ZAP70: variants seen among roughly 807,000 people sequenced by gnomAD.
ZAP70 encodes tyrosine-protein kinase ZAP-70.
In ZAP70, 27 loss-of-function variants were observed where a neutral mutation model predicts 65.8. The ratio of observed to expected loss-of-function variants is 0.41; its 90% confidence interval spans 0.30 to 0.57. ZAP70 has a LOEUF of 0.57. Among genes scored for constraint, ZAP70 ranks in the 20% least tolerant of loss-of-function variants. The probability of loss-of-function intolerance (pLI) is 0.28; values close to 1 mark genes in which losing one functional copy is unlikely to be tolerated. For synonymous variants in ZAP70, 363 were observed against 360.8 expected, an observed-to-expected ratio of 1.01 and a Z score of -0.07; for missense variants, 696 against 870.5, an observed-to-expected ratio of 0.80 and a Z score of 2.52.
rs146721343 is a variant in ZAP70 at position 97,735,343 on chromosome 2, G to C, written c.1176G>C (p.Gln392His). 2 of 1,614,178 alleles carry C rather than the reference G, an allele frequency of 1.2e-6. No individual in the cohort carries two copies. The highest frequency in any genetic ancestry group is 1.7e-6 in the Non-Finnish European group (2 of 1,179,990). ...EMMREAQIMH[Q>H]LDNPYIVRLI... is the part of the protein sequence containing the mutation. ...TGCGCGAGGCGCAGATCATGCACCA[G>C]CTGGACAACCCCTACATCGTGCGGC... The change falls in exon 10 of 14, where the codon CAG (glutamine) becomes CAC (histidine). Residue 392 changes from glutamine (Q) to histidine (H), a missense_variant. Physicochemically the swap from Gln to His is conservative, Grantham distance 24. Coordinates refer to ENST00000264972, the MANE Select transcript of ZAP70 (RefSeq NM_001079.4).
chr2:97,745,373 A>G, the ZAP70 span, among the ~76,000 whole-genome samples: 1 of 152,246 alleles, frequency 6.6e-6, no homozygotes, highest in African/African-American at 2.4e-5. Flanking sequence ...AAAGGACATC[A>G]TCAAAGGGTA....
the ZAP70 span, among the ~76,000 whole-genome samples, chr2:97,749,503 C>T: frequency 2.0e-4 from 31 of 152,138 alleles, no homozygotes; most frequent in African/African-American, 7.5e-4. Flanking sequence ...CAATGACTGT[C>T]AGGGGTCAGG....
At chr2:97,749,524 T>C in the ZAP70 span, among the ~76,000 whole-genome samples, 5 of 151,964 alleles carry the variant, frequency 3.3e-5, no homozygotes, top group Admixed American at 2.6e-4. Context: ...TCTGTGAGAG[T>C]TGCTAGGAGC....
chr2:97,723,394 A>G (rs544124607), intron 2 of ZAP70, among the ~76,000 whole-genome samples: 2 of 152,372 alleles, frequency 1.3e-5, no homozygotes, highest in East Asian at 3.9e-4. Flanking sequence ...GCCTCTGCGC[A>G]TGCAGTCCTC....
At chr2:97,746,879 A>T in the ZAP70 span, among the ~76,000 whole-genome samples, 4 of 152,244 alleles carry the variant, frequency 2.6e-5, no homozygotes, top group Non-Finnish European at 4.4e-5. Context: ...TAAATCAACA[A>T]TAAAAAGACA....
chr2:97,723,404 C>G (rs1056727095), intron 2 of ZAP70, among the ~76,000 whole-genome samples: 3 of 152,254 alleles, frequency 2.0e-5, no homozygotes, highest in Non-Finnish European at 4.4e-5. Flanking sequence ...ATGCAGTCCT[C>G]TCTGCCTGAT....
At chr2:97,754,825 A>G in the ZAP70 span, among the ~76,000 whole-genome samples, 1 of 152,216 alleles carries the variant, frequency 6.6e-6, no homozygotes, top group Non-Finnish European at 1.5e-5. Flanking sequence ...CTGATCGTGC[A>G]AGTGCACGTA....
rs774434467 is a variant in ZAP70 at position 97,737,571 on chromosome 2, C to T, written c.1388C>T (p.Ala463Val). 3 of 1,614,112 alleles carry T rather than the reference C, an allele frequency of 1.9e-6. No individual in the cohort carries two copies. Among genetic ancestry groups the T allele is most frequent in the Non-Finnish European group, 1.7e-6 (2 of 1,179,986 alleles). Residue 463 changes from alanine to valine, a missense_variant, in exon 11 of 14, where the codon GCG (alanine) becomes GTG (valine). Ala to Val is a moderately conservative substitution (Grantham distance 64). Around this residue, in one of 3 missense-constraint regions of ZAP70, gnomAD observed 67 missense variants for 151.9 expected, o/e 0.44. Coordinates refer to ENST00000264972, the MANE Select transcript of ZAP70 (RefSeq NM_001079.4). This position sits in a 1 kb window ranked among gnomAD's most constrained non-coding sequence, Gnocchi z 5.0. Reference protein sequence around the residue: ...EEKNFVHRDLAARNVLLVNRH... With the variant: ...EEKNFVHRDLVARNVLLVNRH... ...AAGAACTTTGTGCACCGTGACCTGG[C>T]GGCCCGCAACGTCCTGCTGGTTAAC... is the stretch of plus-strand genomic sequence containing the variant.
rs1317735247 is a variant in ZAP70, at chr2:97,725,073, C to T, written c.403-19C>T. 1 of 1,613,528 alleles carries T rather than the reference C, an allele frequency of 6.2e-7. No individual in the cohort carries two copies. Among genetic ancestry groups the T allele is most frequent in the Non-Finnish European group, 8.5e-7 (1 of 1,179,966 alleles). On this transcript the variant is annotated intron_variant, in intron 3 of 13. Transcript: ENST00000264972. The stretch of plus-strand genomic sequence containing the variant: ...GCACTTGGCCACACCTACAGACCTC[C>T]TCGCCTCTCCTTTTCTAGGGCGAGG...
At position 97,737,551 on chromosome 2, in the gene ZAP70, C is replaced by T. The variant is rs1402519359; in HGVS notation, c.1368C>T (p.Asn456=). ...SMGMKYLEEK[N]FVHRDLAARN... ...GGATGAAGTACCTGGAGGAGAAGAACTTTGTGCACCGTGACCTGGCGGCCC... is the reference window on the plus strand; with the variant it reads ...GGATGAAGTACCTGGAGGAGAAGAATTTTGTGCACCGTGACCTGGCGGCCC... The change falls in exon 11 of 14, where the codon AAC becomes AAT. Residue 456 remains asparagine, a synonymous_variant. Coordinates refer to ENST00000264972, the MANE Select transcript of ZAP70 (RefSeq NM_001079.4). This position sits in a 1 kb window ranked among gnomAD's most constrained non-coding sequence, Gnocchi z 5.0. 5.6e-6 allele frequency: 9 copies of T among 1,614,022 alleles called. No homozygotes were observed. Among genetic ancestry groups the T allele is most frequent in the African/African-American group, 1.3e-5 (1 of 74,908 alleles).
chr2:97,724,833 C>T (rs1471696367), intron 3 of ZAP70: 1 of 1,518,962 alleles, frequency 6.6e-7, no homozygotes, highest in East Asian at 2.5e-5. Context: ...GTGACACCAC[C>T]ATGCACAACT....
At position 97,737,660 on chromosome 2, in the gene ZAP70, T is replaced by C. The variant is rs1677954998; in HGVS notation, c.1477T>C (p.Tyr493His). Residue 493 changes from tyrosine to histidine, a missense_variant, in exon 11 of 14, where the codon TAC becomes CAC. Coordinates refer to ENST00000264972, the MANE Select transcript of ZAP70 (RefSeq NM_001079.4). The surrounding 1 kb of genome is among the most constrained non-coding windows in gnomAD (Gnocchi z 5.0). ...AGCACTGGGTGCCGACGACAGCTAC[T>C]ACACTGTAAGCCTCTGCCCCTGTGA... ...SKALGADDSY[Y>H]TARSAGKWPL... is the part of the protein sequence containing the mutation. 6.2e-7 allele frequency: 1 copy of C among 1,613,984 alleles called. No homozygotes were observed. Among genetic ancestry groups the C allele is most frequent in the Non-Finnish European group, 8.5e-7 (1 of 1,180,006 alleles).
chr2:97,754,935 A>C, the ZAP70 span, among the ~76,000 whole-genome samples: 1 of 152,232 alleles, frequency 6.6e-6, no homozygotes, highest in Non-Finnish European at 1.5e-5. Context: ...ACAAATCACA[A>C]GTTGTCAAAA....
intron 9 of ZAP70, chr2:97,734,937 C>T (rs1158204711): frequency 2.8e-6 from 2 of 711,158 alleles, no homozygotes; most frequent in South Asian, 3.7e-5. Context: ...AGCTGAAGTT[C>T]CCAACCCAGG....
chr2:97,743,899 C>T (rs1678186977), downstream of ZAP70, among the ~76,000 whole-genome samples: 1 of 152,186 alleles, frequency 6.6e-6, no homozygotes, highest in African/African-American at 2.4e-5. Context: ...TGCATTGGTA[C>T]TAGCCTCCTA....
At chr2:97,754,798 C>T in the ZAP70 span, among the ~76,000 whole-genome samples, 1 of 152,162 alleles carries the variant, frequency 6.6e-6, no homozygotes, top group Non-Finnish European at 1.5e-5. Context: ...AAGAGAATCC[C>T]AAGACTTGAA....
chr2:97,724,280 G>C lies in ZAP70; in HGVS notation c.244G>C (p.Glu82Gln), dbSNP rs1388859022. 1 of 1,602,342 alleles carries C rather than the reference G, an allele frequency of 6.2e-7. No homozygotes were observed. Among genetic ancestry groups the C allele is most frequent in the Admixed American group, 1.7e-5 (1 of 59,648 alleles). Residue 82 changes from glutamate (E) to glutamine (Q), a missense_variant, in exon 3 of 14, where the codon GAG becomes CAG. By Grantham distance (29) the Glu-to-Gln change is conservative. This residue lies in a region of ZAP70 where 551 missense variants were observed against 630.0 expected (regional missense o/e 0.87). Coordinates refer to ENST00000264972, the MANE Select transcript of ZAP70 (RefSeq NM_001079.4). ...CGGCAAAGCGCACTGTGGACCGGCAGAGCTCTGCGAGTTCTACTCGCGCGA... is the reference window on the plus strand; with the variant it reads ...CGGCAAAGCGCACTGTGGACCGGCACAGCTCTGCGAGTTCTACTCGCGCGA... ...AGGKAHCGPA[E>Q]LCEFYSRDPD...
intron 8 of ZAP70, 164 bp downstream of exon 8, chr2:97,733,759 C>T (rs1208128023): frequency 4.9e-6 from 4 of 809,682 alleles, no homozygotes; most frequent in Admixed American, 4.2e-5. Flanking sequence ...CCCATCACAC[C>T]TGCCTGTGCA....
At chr2:97,729,635 G>C (rs956580695) in intron 4 of ZAP70, among the ~76,000 whole-genome samples, 1 of 152,092 alleles carries the variant, frequency 6.6e-6, no homozygotes, top group Admixed American at 6.5e-5. Context: ...TATTTTAAGA[G>C]CAGAGATACA....
Sources: gnomAD v4.1 joint callset for allele counts (sites outside exome capture counted in the v4.1 genomes callset) on GRCh38, gnomAD v4.1.1 for gene constraint, gnomAD v4.1.1 regional missense constraint, Gnocchi (gnomAD v3.1) non-coding constraint, MANE v1.5 for transcripts, NCBI Gene and HGNC (gene_info 2026-07-23, HGNC 2026-07-21) for gene names.